NAALADL2: variants seen among roughly 807,000 people sequenced by gnomAD.
The protein encoded by NAALADL2 is N-acetylated alpha-linked acidic dipeptidase like 2, also known as inactive N-acetylated-alpha-linked acidic dipeptidase-like protein 2.
NAALADL2 carries 76 observed loss-of-function variants against 87.2 expected under a neutral mutation model. The ratio of observed to expected loss-of-function variants is 0.87; its 90% CI spans 0.72 to 1.05. The LOEUF is 1.05. NAALADL2 is among the 50% of genes least tolerant of loss of function. NAALADL2 has a pLI of 0.00. For missense variants in NAALADL2, 1,089 were observed against 945.8 expected (o/e 1.15, Z -1.99); for synonymous variants, 354 against 331.0 (o/e 1.07, Z -0.75).
chr3:174,981,973 T>G (rs1745181044), intron 1 of NAALADL2, among the ~76,000 whole-genome samples: 1 of 152,178 alleles, frequency 6.6e-6, no homozygotes, highest in Non-Finnish European at 1.5e-5. Context: ...GCACTTTTAT[T>G]TAACATCATT....
chr3:174,721,018 A>G (rs1731663776), intron 2 of NAALADL2, among the ~76,000 whole-genome samples: 2 of 152,238 alleles, frequency 1.3e-5, no homozygotes, highest in African/African-American at 4.8e-5. Context: ...ATTATTAAAT[A>G]TTGAACCAGA....
intron 3 of NAALADL2, among the ~76,000 whole-genome samples, chr3:174,822,065 A>G (rs998588977): frequency 6.6e-6 from 1 of 152,194 alleles, no homozygotes; most frequent in African/African-American, 2.4e-5. Flanking sequence ...CCTGAAGCAT[A>G]GGGATATCAA....
intron 3 of NAALADL2, among the ~76,000 whole-genome samples, chr3:174,848,993 A>G (rs1258907008): frequency 2.0e-5 from 3 of 152,162 alleles, no homozygotes; most frequent in Non-Finnish European, 4.4e-5. Context: ...AAGTGTTTGT[A>G]TATTTCAACA....
intron 10 of NAALADL2, among the ~76,000 whole-genome samples, chr3:175,622,834 T>G (rs1483866235): frequency 6.6e-6 from 1 of 152,062 alleles, no homozygotes; most frequent in Non-Finnish European, 1.5e-5. Context: ...TCAGTAAATT[T>G]TAAGAAATGA....
chr3:174,879,539 T>C (rs1252317215), intron 1 of NAALADL2, among the ~76,000 whole-genome samples: 1 of 152,144 alleles, frequency 6.6e-6, no homozygotes, highest in Non-Finnish European at 1.5e-5. Context: ...GTAAATTAAT[T>C]TTCTTTTCAT....
In NAALADL2 at chr3:175,097,187, T is replaced by A. The variant is rs774222279; in HGVS notation, c.441T>A (p.His147Gln). The change falls in exon 2 of 14, where the codon CAT becomes CAA. Residue 147 changes from histidine (H) to glutamine (Q), a missense_variant. His to Gln is a conservative substitution (Grantham distance 24, BLOSUM62 0). Transcript: ENST00000454872. ...IFGILIGYYV[H>Q]TNCPSDAPSS... ...GGATTTTGATAGGTTATTATGTACA[T>A]ACAAATTGCCCTTCAGATGCTCCAT... 1 of 1,613,606 alleles carries A rather than the reference T, an allele frequency of 6.2e-7. No individual in the cohort carries two copies. The highest frequency in any genetic ancestry group is 8.5e-7 in the Non-Finnish European group (1 of 1,179,546).
rs565468252 is a variant in NAALADL2, at chr3:175,265,425, G to T, written c.939+8895G>T. Among the ~76,000 whole-genome samples the T allele has an allele frequency of 4.0e-4, 60 of 151,680 alleles. 2 individuals carry two copies. In the South Asian group the frequency reaches 0.012, roughly 30 times the overall value. On this transcript the variant is annotated intron_variant, in intron 4 of 13. Transcript: ENST00000454872. ...ATTCTATACCAATAGAGTTTTAAAA[G>T]AATTAACTTGAGGTCTAATTATTAG...
At chr3:174,879,681 G>A (rs1027216056) in intron 1 of NAALADL2, among the ~76,000 whole-genome samples, 1 of 151,206 alleles carries the variant, frequency 6.6e-6, no homozygotes, top group African/African-American at 2.4e-5. Flanking sequence ...ATTTTTTTTG[G>A]CCTCACTACT....
At chr3:175,302,968 TGAAAG>T (rs1395724489) in intron 4 of NAALADL2, among the ~76,000 whole-genome samples, 2 of 151,986 alleles carry the variant, frequency 1.3e-5, no homozygotes, top group African/African-American at 4.8e-5. Context: ...AAAGATTACT[TGAAAG>T]GAAATATTTG....
At chr3:175,781,701 G>T (rs942387278) in intron 13 of NAALADL2, among the ~76,000 whole-genome samples, 1 of 150,260 alleles carries the variant, frequency 6.7e-6, no homozygotes, top group Non-Finnish European at 1.5e-5. Context: ...TTAACATAAC[G>T]CTTTTATTTT....
Position 175,169,892 on chromosome 3 carries a change from C to T in NAALADL2, c.546-64039C>T, listed in dbSNP as rs182646311. On this transcript the variant is annotated intron_variant, in intron 2 of 13. Transcript: ENST00000454872. ...GGTGGTGGTTTACACAATTTAACAT[C>T]GTTTTAAACTCACTGGTTGAGAATA... Among the ~76,000 whole-genome samples the T allele has an allele frequency of 4.7e-3, 714 of 151,876 alleles. 2 individuals carry two copies. The highest frequency in any genetic ancestry group is 6.7e-3 in the Non-Finnish European group (457 of 67,782).
chr3:174,984,361 CA>C (rs1189178920), intron 1 of NAALADL2, among the ~76,000 whole-genome samples: 31 of 152,078 alleles, frequency 2.0e-4, no homozygotes, highest in East Asian at 5.8e-4. Flanking sequence ...CCAGTTGCAC[CA>C]AAACTGGGTT....
intron 2 of NAALADL2, among the ~76,000 whole-genome samples, chr3:175,228,282 C>T (rs947896579): frequency 1.3e-5 from 2 of 151,868 alleles, no homozygotes; most frequent in African/African-American, 4.8e-5. Context: ...GAAGAAACAG[C>T]TTAGGCCATA....
intron 1 of NAALADL2, among the ~76,000 whole-genome samples, chr3:175,026,450 G>A (rs1171315159): frequency 1.4e-5 from 2 of 143,082 alleles, no homozygotes; most frequent in Admixed American, 1.4e-4. Flanking sequence ...TTCGAGACCA[G>A]CCTGGCCAGC....
At chr3:175,759,118 C>T (rs1376418799) in intron 13 of NAALADL2, among the ~76,000 whole-genome samples, 1 of 152,044 alleles carries the variant, frequency 6.6e-6, no homozygotes, top group Non-Finnish European at 1.5e-5. Context: ...GCATGTAAAC[C>T]TGGCTCCTCA....
intron 10 of NAALADL2, among the ~76,000 whole-genome samples, chr3:175,589,804 AAAC>A (rs199825004): frequency 0.016 from 1,944 of 122,352 alleles, 42 homozygotes; most frequent in African/African-American, 0.051. Flanking sequence ...TTGAAAAAAA[AAAC>A]AAAAAACCAA....
chr3:175,719,001 C>T (rs77743347), intron 11 of NAALADL2, among the ~76,000 whole-genome samples: 5,135 of 152,218 alleles, frequency 0.034, 287 homozygotes, highest in African/African-American at 0.12. Flanking sequence ...GCCATTATCT[C>T]ATCCGCTTTG....
intron 9 of NAALADL2, among the ~76,000 whole-genome samples, chr3:175,560,768 C>T (rs576857132): frequency 2.6e-5 from 4 of 152,216 alleles, no homozygotes; most frequent in South Asian, 4.1e-4. Context: ...ATTACAGGCA[C>T]GCGCCATCAT....
intron 3 of NAALADL2, among the ~76,000 whole-genome samples, chr3:174,748,916 A>T (rs1221849114): frequency 1.3e-5 from 2 of 152,220 alleles, no homozygotes; most frequent in African/African-American, 2.4e-5. Context: ...TTTATTAAAA[A>T]ATAGTCAAGT....
Sources: gnomAD v4.1 joint callset for allele counts (sites outside exome capture counted in the v4.1 genomes callset) on GRCh38, gnomAD v4.1.1 for gene constraint, MANE v1.5 for transcripts, NCBI Gene and HGNC (gene_info 2026-07-23, HGNC 2026-07-21) for gene names.